ATXN1: variants seen among roughly 807,000 people sequenced by gnomAD.
ATXN1 encodes the protein ataxin-1.
Under a neutral mutation model 56.4 loss-of-function variants are expected in ATXN1, and 8 were observed. The ratio of observed to expected loss-of-function variants is 0.14; its 90% CI spans 0.08 to 0.26. ATXN1 has a LOEUF of 0.26. ATXN1 is among the 10% of genes least tolerant of loss of function. ATXN1 has a pLI of 1.00. For missense variants in ATXN1, 987 were observed against 1,106.5 expected, an observed-to-expected ratio of 0.89 and a Z score of 1.53; for synonymous variants, 514 against 494.6, an observed-to-expected ratio of 1.04 and a Z score of -0.52.
chr6:16,476,656 G>T (rs1193209720), intron 6 of ATXN1, among the ~76,000 whole-genome samples: 1 of 152,024 alleles, frequency 6.6e-6, no homozygotes, highest in Non-Finnish European at 1.5e-5. Flanking sequence ...ATAATGACCT[G>T]GCTGGGCACA....
At chr6:16,333,021 TA>T in intron 6 of ATXN1, among the ~76,000 whole-genome samples, 1 of 152,182 alleles carries the variant, frequency 6.6e-6, no homozygotes, top group Non-Finnish European at 1.5e-5. Context: ...TTAAGCAAAT[TA>T]AACATCTCTA....
chr6:16,689,510 C>CT (rs371753662), intron 2 of ATXN1, among the ~76,000 whole-genome samples: 27 of 126,890 alleles, frequency 2.1e-4, no homozygotes, highest in Admixed American at 3.3e-4. Context: ...CTTTTTTTTT[C>CT]TTTTTTTTTT....
chr6:16,508,379 C>T (rs900909877), intron 5 of ATXN1, among the ~76,000 whole-genome samples: 13 of 152,160 alleles, frequency 8.5e-5, no homozygotes, highest in African/African-American at 3.1e-4. Context: ...AAGCACAAAT[C>T]TGATGGTTTA....
chr6:16,712,879 A>G (rs1759556899), intron 2 of ATXN1, among the ~76,000 whole-genome samples: 1 of 152,266 alleles, frequency 6.6e-6, no homozygotes, highest in African/African-American at 2.4e-5. Flanking sequence ...GAGATTCACA[A>G]TCTGTTCATT....
chr6:16,473,144 G>A (rs1438654099), intron 6 of ATXN1, among the ~76,000 whole-genome samples: 1 of 152,022 alleles, frequency 6.6e-6, no homozygotes, highest in Non-Finnish European at 1.5e-5. Context: ...TAGAAAACTT[G>A]GCAAATTATT....
At chr6:16,547,752 G>A (rs1019634419) in intron 4 of ATXN1, among the ~76,000 whole-genome samples, 1 of 152,136 alleles carries the variant, frequency 6.6e-6, no homozygotes, top group Non-Finnish European at 1.5e-5. Context: ...AGCCTCAGAG[G>A]GAGGCTATCT....
chr6:16,463,623 G>T (rs2113629418), intron 6 of ATXN1, among the ~76,000 whole-genome samples: 1 of 152,356 alleles, frequency 6.6e-6, no homozygotes, highest in East Asian at 1.9e-4. Context: ...GAGAAAGGAA[G>T]ACTCTGCACC....
At chr6:16,385,794 C>G (rs73724847) in intron 6 of ATXN1, among the ~76,000 whole-genome samples, 1 of 152,158 alleles carries the variant, frequency 6.6e-6, no homozygotes, top group Non-Finnish European at 1.5e-5. Context: ...TGGCTTACTA[C>G]TTTGCCTTTG....
chr6:16,339,579 A>G (rs1047652401), intron 6 of ATXN1, among the ~76,000 whole-genome samples: 1 of 152,234 alleles, frequency 6.6e-6, no homozygotes, highest in African/African-American at 2.4e-5. Flanking sequence ...TAATTTGTGC[A>G]GGCTACAGCA....
intron 6 of ATXN1, among the ~76,000 whole-genome samples, chr6:16,452,515 C>A (rs1419072701): frequency 6.6e-6 from 1 of 152,206 alleles, no homozygotes; most frequent in East Asian, 1.9e-4. Flanking sequence ...GTGGGACAGT[C>A]ATTTCTGAAA....
At chr6:16,633,800 G>A (rs1490510636) in intron 3 of ATXN1, among the ~76,000 whole-genome samples, 3 of 152,222 alleles carry the variant, frequency 2.0e-5, no homozygotes, top group Non-Finnish European at 2.9e-5. Context: ...AGGCAAGGGT[G>A]TGAAGCTCAT....
At chr6:16,675,217 T>A (rs1758635796) in intron 2 of ATXN1, among the ~76,000 whole-genome samples, 1 of 152,238 alleles carries the variant, frequency 6.6e-6, no homozygotes, top group East Asian at 1.9e-4. Flanking sequence ...AATGGCTTTT[T>A]AACAGATCCA....
chr6:16,354,263 T>A (rs1761637776), intron 6 of ATXN1, among the ~76,000 whole-genome samples: 1 of 151,902 alleles, frequency 6.6e-6, no homozygotes. Flanking sequence ...TTATTTCACT[T>A]ATTTTTTTTT....
intron 6 of ATXN1, among the ~76,000 whole-genome samples, chr6:16,422,728 A>T (rs1759062838): frequency 6.6e-6 from 1 of 152,230 alleles, no homozygotes; most frequent in South Asian, 2.1e-4. Context: ...CCTTCACAAC[A>T]GCCTCCTCAA....
chr6:16,653,584 A>G (rs1273274433), intron 3 of ATXN1, among the ~76,000 whole-genome samples: 1 of 152,204 alleles, frequency 6.6e-6, no homozygotes, highest in Non-Finnish European at 1.5e-5. Flanking sequence ...GCTCCAGCCC[A>G]GCTCCTCATA....
At chr6:16,454,420 C>T (rs750500956) in intron 6 of ATXN1, among the ~76,000 whole-genome samples, 13 of 152,030 alleles carry the variant, frequency 8.6e-5, no homozygotes, top group Admixed American at 8.5e-4. Flanking sequence ...AAATGGTTAA[C>T]CCCCCCTGCT....
chr6:16,605,640 T>A (rs537973082), intron 3 of ATXN1, among the ~76,000 whole-genome samples: 1 of 152,272 alleles, frequency 6.6e-6, no homozygotes, highest in Non-Finnish European at 1.5e-5. Flanking sequence ...AACTTTTGGA[T>A]CATATGATAC....
At chr6:16,338,784 A>T (rs1261840383) in intron 6 of ATXN1, among the ~76,000 whole-genome samples, 1 of 152,130 alleles carries the variant, frequency 6.6e-6, no homozygotes, top group Non-Finnish European at 1.5e-5. Flanking sequence ...TCTTTCAAAC[A>T]TCTGTTTTTT....
chr6:16,409,485 T>C (rs1758754123), intron 6 of ATXN1, among the ~76,000 whole-genome samples: 1 of 151,950 alleles, frequency 6.6e-6, no homozygotes, highest in Admixed American at 6.6e-5. Flanking sequence ...AAACACTGTC[T>C]CTACTAAAAA....
Sources: gnomAD v4.1 joint callset for allele counts (sites outside exome capture counted in the v4.1 genomes callset) on GRCh38, gnomAD v4.1.1 for gene constraint, MANE v1.5 for transcripts, NCBI Gene and HGNC (gene_info 2026-07-23, HGNC 2026-07-21) for gene names.